The following PRMT8 variants were observed in gnomAD, a reference collection of about 807,000 sequenced individuals.
PRMT8 encodes the protein protein arginine N-methyltransferase 8.
Under a neutral mutation model 47.1 loss-of-function variants are expected in PRMT8, and 7 were observed. That is an observed-to-expected ratio of 0.15 (90% CI 0.08 to 0.28). The LOEUF is 0.28. Ranked by LOEUF, PRMT8 falls within the 10% of genes least tolerant of loss-of-function variation. The probability of loss-of-function intolerance (pLI) is 1.00; values close to 1 mark genes in which losing one functional copy is unlikely to be tolerated. For missense variants in PRMT8, 237 were observed against 505.4 expected (o/e 0.47, Z 5.09); for synonymous variants, 188 against 186.5 (o/e 1.01, Z -0.07).
Position 3,399,134 on chromosome 12 carries a change from T to G in PRMT8, c.48+17692T>G, listed in dbSNP as rs545747261. On this transcript the variant is annotated intron_variant, in intron 1 of 9. Transcript: ENST00000452611. ...TCGTTGGCTCTCCCCACCATACTTC[T>G]GTTGCTTCATTGTGGAGCAGGCCTG... Among the ~76,000 whole-genome samples, 29 of 152,314 alleles carry G rather than the reference T, an allele frequency of 1.9e-4. No individual in the cohort carries two copies. In the South Asian group the frequency reaches 5.0e-3, roughly 26 times the overall value.
chr12:3,469,674 C>T (rs1301430137), intron 1 of PRMT8, among the ~76,000 whole-genome samples: 1 of 152,162 alleles, frequency 6.6e-6, no homozygotes, highest in African/African-American at 2.4e-5. Flanking sequence ...TGAATATATA[C>T]AAAAACCACC....
intron 8 of PRMT8, among the ~76,000 whole-genome samples, chr12:3,587,356 TAGA>T (rs1455151672): frequency 6.6e-6 from 1 of 151,070 alleles, no homozygotes; most frequent in African/African-American, 2.4e-5. Context: ...GTATTACTAT[TAGA>T]AGGTAAATAC....
chr12:3,471,756 G>A (rs1565416224), intron 1 of PRMT8, among the ~76,000 whole-genome samples: 2 of 151,994 alleles, frequency 1.3e-5, no homozygotes, highest in Non-Finnish European at 2.9e-5. Flanking sequence ...CATGGCCCTT[G>A]TAAGTACCCA....
intron 1 of PRMT8, among the ~76,000 whole-genome samples, chr12:3,472,653 C>G (rs1241611384): frequency 6.6e-6 from 1 of 152,154 alleles, no homozygotes; most frequent in Admixed American, 6.5e-5. Flanking sequence ...GCTTTGATGG[C>G]TGTAATCATT....
chr12:3,587,569 A>T (rs538920092), intron 8 of PRMT8, among the ~76,000 whole-genome samples: 3 of 152,230 alleles, frequency 2.0e-5, no homozygotes, highest in South Asian at 4.1e-4. Context: ...ATCTTCCTGG[A>T]TGCCCCACCC....
At chr12:3,471,563 C>A (rs145572735) in intron 1 of PRMT8, among the ~76,000 whole-genome samples, 1 of 151,694 alleles carries the variant, frequency 6.6e-6, no homozygotes, top group Admixed American at 6.6e-5. Flanking sequence ...TCAGTCACCC[C>A]CCCTTGGCCC....
intron 1 of PRMT8, among the ~76,000 whole-genome samples, chr12:3,390,816 C>T (rs145923436): frequency 8.2e-4 from 125 of 152,308 alleles, no homozygotes; most frequent in African/African-American, 3.0e-3. Flanking sequence ...TTATAAGCTC[C>T]ATAAGGTCAG....
At chr12:3,487,686 A>G (rs1364945439), upstream of PRMT8, among the ~76,000 whole-genome samples, 1 of 152,178 alleles carries the variant, frequency 6.6e-6, no homozygotes, top group East Asian at 1.9e-4. Context: ...ACCCTCCCCA[A>G]GGGTCTCATC....
At chr12:3,381,606 T>C (rs1313863057) in intron 1 of PRMT8, among the ~76,000 whole-genome samples, 1 of 152,228 alleles carries the variant, frequency 6.6e-6, no homozygotes, top group African/African-American at 2.4e-5. Context: ...CTCTGGGCTT[T>C]GCGGCTCCAC....
intron 1 of PRMT8, among the ~76,000 whole-genome samples, chr12:3,407,495 T>C (rs1864384607): frequency 6.6e-6 from 1 of 152,220 alleles, no homozygotes; most frequent in South Asian, 2.1e-4. Context: ...CTGTTAATGG[T>C]GATTCCCTTA....
chr12:3,523,775 T>G (rs961629025), intron 1 of PRMT8, among the ~76,000 whole-genome samples: 16 of 152,322 alleles, frequency 1.1e-4, no homozygotes, highest in African/African-American at 3.8e-4. Flanking sequence ...GAAATAAGAC[T>G]TACAAAAGCC....
intron 7 of PRMT8, among the ~76,000 whole-genome samples, chr12:3,579,890 G>A (rs1266703802): frequency 6.6e-6 from 1 of 152,112 alleles, no homozygotes; most frequent in African/African-American, 2.4e-5. Flanking sequence ...TGCTTCAAGC[G>A]GGTCACCTGA....
chr12:3,515,250 C>T (rs957255985), intron 1 of PRMT8, among the ~76,000 whole-genome samples: 7 of 152,168 alleles, frequency 4.6e-5, no homozygotes, highest in African/African-American at 1.7e-4. Flanking sequence ...TAGCTGCTCA[C>T]ATGTTTTGGA....
At chr12:3,531,105 T>G (rs1411236820) in intron 1 of PRMT8, among the ~76,000 whole-genome samples, 2 of 152,158 alleles carry the variant, frequency 1.3e-5, no homozygotes, top group African/African-American at 2.4e-5. Context: ...GAACATAGCA[T>G]AGGTCCCACA....
At chr12:3,523,693 C>T (rs748728366) in intron 1 of PRMT8, among the ~76,000 whole-genome samples, 2 of 152,116 alleles carry the variant, frequency 1.3e-5, no homozygotes, top group Non-Finnish European at 2.9e-5. Context: ...GTTCTGTTTC[C>T]CCTGAAATGG....
intron 1 of PRMT8, among the ~76,000 whole-genome samples, chr12:3,403,005 G>T (rs1372425091): frequency 1.3e-5 from 2 of 152,156 alleles, no homozygotes; most frequent in South Asian, 2.1e-4. Context: ...CTATTACAAA[G>T]ATACATGCAC....
intron 1 of PRMT8, among the ~76,000 whole-genome samples, chr12:3,516,654 G>C (rs114124817): frequency 6.6e-6 from 1 of 152,250 alleles, no homozygotes; most frequent in African/African-American, 2.4e-5. Flanking sequence ...ACTTGAGTGA[G>C]GTTAAAGGAA....
intron 1 of PRMT8, among the ~76,000 whole-genome samples, chr12:3,484,349 G>T (rs375668694): frequency 6.6e-6 from 1 of 152,186 alleles, no homozygotes; most frequent in South Asian, 2.1e-4. Context: ...GAGGAAACAG[G>T]CCCAGAAAAG....
chr12:3,490,904 C>G (rs974019175), upstream of PRMT8, among the ~76,000 whole-genome samples: 2 of 151,974 alleles, frequency 1.3e-5, no homozygotes, highest in African/African-American at 2.4e-5. Context: ...AACTGTGGCC[C>G]GGTCTCGCCC....
Sources: allele counts gnomAD v4.1 joint callset (sites outside exome capture counted in the v4.1 genomes callset), GRCh38; gene constraint gnomAD v4.1.1; transcripts MANE v1.5; gene names NCBI Gene and HGNC (gene_info 2026-07-23, HGNC 2026-07-21).